The following DIO1 variants were observed in gnomAD, a reference collection of about 807,000 sequenced individuals.
The protein encoded by DIO1 is type I iodothyronine deiodinase.
In DIO1, 17 loss-of-function variants were observed where a neutral mutation model predicts 25.9. The observed-to-expected ratio is 0.66, with a 90% CI of 0.45 to 0.98. The LOEUF is 0.98. DIO1 is among the 50% of genes least tolerant of loss of function. DIO1 has a pLI of 0.00. For missense variants in DIO1, 270 were observed against 310.4 expected, an observed-to-expected ratio of 0.87 and a Z score of 0.98; for synonymous variants, 115 against 114.0, an observed-to-expected ratio of 1.01 and a Z score of -0.05.
At chr1:53,897,254 T>C (rs1651124454) in intron 1 of DIO1, among the ~76,000 whole-genome samples, 1 of 152,170 alleles carries the variant, frequency 6.6e-6, no homozygotes, top group African/African-American at 2.4e-5. Flanking sequence ...GGCGGGCAGA[T>C]CACTTGAGGT....
intron 1 of DIO1, among the ~76,000 whole-genome samples, chr1:53,902,751 G>A (rs11206241): frequency 0.015 from 2,349 of 151,714 alleles, 114 homozygotes; most frequent in African/African-American, 0.054. Flanking sequence ...TGGCTTCATG[G>A]ACATGGGACC....
intron 1 of DIO1, among the ~76,000 whole-genome samples, chr1:53,899,811 G>C (rs1306262919): frequency 6.6e-6 from 1 of 152,172 alleles, no homozygotes; most frequent in Non-Finnish European, 1.5e-5. Context: ...AAGTAGCTGG[G>C]ACTAGACATG....
chr1:53,908,855 G>A lies in DIO1; in HGVS notation c.682-1076G>A, dbSNP rs1651791628. On this transcript the variant is annotated intron_variant, in intron 3 of 3. Coordinates refer to ENST00000361921, the MANE Select transcript of DIO1 (RefSeq NM_000792.7). ...GGCTGTAACTCTAGCACTTTGGGAG[G>A]CTGAGCCGGGCAGATCACCTGAGGT... Among the ~76,000 whole-genome samples, 3 of 152,272 alleles carry A rather than the reference G, an allele frequency of 2.0e-5. No individual in the cohort carries two copies. The South Asian group carries it at 6.2e-4, about 32-fold the overall frequency.
At chr1:53,898,770 T>C (rs1366728094) in intron 1 of DIO1, among the ~76,000 whole-genome samples, 2 of 137,950 alleles carry the variant, frequency 1.4e-5, no homozygotes, top group Admixed American at 1.4e-4. Flanking sequence ...AAAAGAGACA[T>C]GTTGTAACTA....
chr1:53,900,439 A>G (rs1651298701), intron 1 of DIO1, among the ~76,000 whole-genome samples: 3 of 152,148 alleles, frequency 2.0e-5, no homozygotes, highest in Non-Finnish European at 2.9e-5. Context: ...CCCTGTCTCT[A>G]CTAAAAATAC....
chr1:53,909,221 G>T (rs948327086), intron 3 of DIO1, among the ~76,000 whole-genome samples: 1 of 151,514 alleles, frequency 6.6e-6, no homozygotes, highest in Non-Finnish European at 1.5e-5. Flanking sequence ...TTCGAGACCA[G>T]CCTAGCCCAC....
At chr1:53,907,826 G>A (rs893817829) in intron 3 of DIO1, among the ~76,000 whole-genome samples, 2 of 148,922 alleles carry the variant, frequency 1.3e-5, no homozygotes, top group African/African-American at 5.0e-5. Context: ...CAGGAGAATC[G>A]CTTGTACCCG....
Position 53,910,002 on chromosome 1 carries a change from T to C in DIO1, c.*3T>C, listed in dbSNP as rs752749067. On this transcript the variant is annotated 3_prime_UTR_variant, in exon 4 of 4. Coordinates refer to ENST00000361921, the MANE Select transcript of DIO1 (RefSeq NM_000792.7). ...TTCTGGAAAAGCTCCACAGTTAATCTGGACAGATACCTCAATTCTAGGTGA... is the reference window on the plus strand; with the variant it reads ...TTCTGGAAAAGCTCCACAGTTAATCCGGACAGATACCTCAATTCTAGGTGA... 2 of 1,613,776 alleles carry C rather than the reference T, an allele frequency of 1.2e-6. No homozygotes were observed. Among genetic ancestry groups the C allele is most frequent in the Non-Finnish European group, 1.7e-6 (2 of 1,179,622 alleles).
intron 1 of DIO1, among the ~76,000 whole-genome samples, chr1:53,901,420 A>G (rs567554883): frequency 6.6e-6 from 1 of 152,310 alleles, no homozygotes; most frequent in South Asian, 2.1e-4. Flanking sequence ...TTTAGCATCA[A>G]TAGTTGGGCC....
chr1:53,900,006 G>A (rs10888818), intron 1 of DIO1, among the ~76,000 whole-genome samples: 34,601 of 152,098 alleles, frequency 0.23, 4,185 homozygotes, highest in African/African-American at 0.3. Context: ...CTTGTCACAT[G>A]GGTGAGAAAT....
rs749006714 is a variant in DIO1 at position 53,909,946 on chromosome 1, T to G, written c.697T>G (p.Trp233Gly). The change falls in exon 4 of 4, where the codon TGG (tryptophan) becomes GGG (glycine). Residue 233 changes from tryptophan (W) to glycine (G), a missense_variant. Trp to Gly is a radical substitution (Grantham distance 184). Transcript: ENST00000361921. ...TCTCTTGCAGGGTAAATCTGGCCCT[T>G]GGAACTACAACCCAGAGGAAGTTCG... is the stretch of plus-strand genomic sequence containing the variant. ...RILYKGKSGP[W>G]NYNPEEVRAV... The G allele has an allele frequency of 1.2e-6, 2 of 1,614,104 alleles. No homozygotes were observed. Among genetic ancestry groups the G allele is most frequent in the Non-Finnish European group, 1.7e-6 (2 of 1,180,052 alleles).
At chr1:53,896,038 T>C (rs1438729795) in intron 1 of DIO1, among the ~76,000 whole-genome samples, 2 of 152,052 alleles carry the variant, frequency 1.3e-5, no homozygotes, top group Admixed American at 1.3e-4. Context: ...CAGCACCTGG[T>C]ACCTAAGCAC....
At chr1:53,908,676 G>A (rs1410180019) in intron 3 of DIO1, among the ~76,000 whole-genome samples, 2 of 152,184 alleles carry the variant, frequency 1.3e-5, no homozygotes, top group African/African-American at 4.8e-5. Flanking sequence ...AGGGCAGAGT[G>A]TGAATAAACG....
intron 1 of DIO1, among the ~76,000 whole-genome samples, chr1:53,903,772 C>A (rs912524790): frequency 4.0e-5 from 6 of 151,872 alleles, no homozygotes; most frequent in South Asian, 2.1e-4. Flanking sequence ...TCGCTTGAAC[C>A]CCGGAGGCGG....
rs371731437 is a variant in DIO1 at position 53,905,548 on chromosome 1, T to C, written c.482-547T>C. Among the ~76,000 whole-genome samples, 8 of 152,324 alleles carry C rather than the reference T, an allele frequency of 5.3e-5. No homozygotes were observed. In the East Asian group the frequency reaches 9.6e-4, roughly 18 times the overall value. Reference sequence around the variant, plus strand: ...AATAGTACTTAAACTCAGTATGAATTAGAATCATCTGGAAGGCTGTTAAAA... The same window carrying C: ...AATAGTACTTAAACTCAGTATGAATCAGAATCATCTGGAAGGCTGTTAAAA... On this transcript the variant is annotated intron_variant, in intron 2 of 3. Transcript: ENST00000361921.
At chr1:53,901,382 A>G (rs901153074) in intron 1 of DIO1, among the ~76,000 whole-genome samples, 3 of 152,140 alleles carry the variant, frequency 2.0e-5, no homozygotes, top group Non-Finnish European at 4.4e-5. Context: ...TCCAGAAACA[A>G]TATCAGCTGG....
intron 1 of DIO1, among the ~76,000 whole-genome samples, chr1:53,902,722 G>C (rs996900649): frequency 6.6e-6 from 1 of 151,818 alleles, no homozygotes; most frequent in Admixed American, 6.5e-5. Flanking sequence ...GGGAGTTACA[G>C]AAGGCTTCCA....
chr1:53,907,463 C>T (rs1393169498), intron 3 of DIO1, among the ~76,000 whole-genome samples: 2 of 152,126 alleles, frequency 1.3e-5, no homozygotes, highest in Non-Finnish European at 2.9e-5. Context: ...GGCAAATTCC[C>T]AAGGTGCAAG....
In DIO1 at chr1:53,910,255, C is replaced by A. The variant is rs562760519; in HGVS notation, c.*256C>A. 6.3e-6 allele frequency: 3 copies of A among 478,214 alleles called. No individual in the cohort carries two copies. Among genetic ancestry groups the A allele is most frequent in the Non-Finnish European group, 7.6e-6 (2 of 261,542 alleles). The allele number at this position is 478,214 out of a possible 1,614,324, so 29.6% of individuals were successfully genotyped here. On this transcript the variant is annotated 3_prime_UTR_variant, in exon 4 of 4. Transcript: ENST00000361921. The stretch of plus-strand genomic sequence containing the variant: ...AGTTCCCTGTTGAAGAAACAGTTCC[C>A]TGTTGAAGAAAGTAGAGCCTGACAC...
Sources: gnomAD v4.1 joint callset for allele counts (sites outside exome capture counted in the v4.1 genomes callset) on GRCh38, gnomAD v4.1.1 for gene constraint, MANE v1.5 for transcripts, NCBI Gene and HGNC (gene_info 2026-07-23, HGNC 2026-07-21) for gene names.